The following NRXN3 variants were observed in gnomAD, a reference collection of about 807,000 sequenced individuals.
NRXN3 encodes the protein neurexin III.
In NRXN3, 32 loss-of-function variants were observed where a neutral mutation model predicts 137.6. That is an observed-to-expected ratio of 0.23 (90% CI 0.18 to 0.31). The LOEUF is 0.31. Ranked by LOEUF, NRXN3 falls within the 10% of genes least tolerant of loss-of-function variation. The pLI is 1.00. For missense variants in NRXN3, 1,574 were observed against 2,062.5 expected (o/e 0.76, Z 4.59); for synonymous variants, 798 against 784.5 (o/e 1.02, Z -0.29).
chr14:79,775,195 G>A (rs1426131685), intron 19 of NRXN3, among the ~76,000 whole-genome samples: 4 of 151,988 alleles, frequency 2.6e-5, no homozygotes, highest in South Asian at 4.1e-4. Flanking sequence ...TTTTATATAC[G>A]AATGTGCATA....
intron 19 of NRXN3, among the ~76,000 whole-genome samples, chr14:79,703,517 CTAAGTAATTTA>C (rs1188730151): frequency 2.6e-5 from 4 of 152,144 alleles, no homozygotes; most frequent in Admixed American, 1.3e-4. Flanking sequence ...CTACCCGAGA[CTAAGTAATTTA>C]TAAAGAAAAG....
chr14:79,394,818 CTATTT>C (rs2094965473), intron 15 of NRXN3, among the ~76,000 whole-genome samples: 1 of 152,070 alleles, frequency 6.6e-6, no homozygotes, highest in South Asian at 2.1e-4. Context: ...TGTATTATTC[CTATTT>C]TATTTATGAG....
At chr14:79,208,852 T>G (rs2067198937) in intron 15 of NRXN3, among the ~76,000 whole-genome samples, 1 of 152,178 alleles carries the variant, frequency 6.6e-6, no homozygotes, top group Admixed American at 6.6e-5. Flanking sequence ...AGAAAAAAAT[T>G]CAGCACATTT....
At chr14:78,298,582 T>G (rs1420091837) in intron 4 of NRXN3, among the ~76,000 whole-genome samples, 3 of 152,234 alleles carry the variant, frequency 2.0e-5, no homozygotes, top group African/African-American at 7.2e-5. Context: ...TGAAGCCTTT[T>G]TCTCCTAAAT....
intron 4 of NRXN3, among the ~76,000 whole-genome samples, chr14:78,385,351 A>G (rs1292311423): frequency 6.6e-6 from 1 of 151,840 alleles, no homozygotes; most frequent in Non-Finnish European, 1.5e-5. Flanking sequence ...AAAACTTCCT[A>G]ATCATAAAAA....
intron 16 of NRXN3, among the ~76,000 whole-genome samples, chr14:79,638,847 T>C (rs181407676): frequency 3.3e-5 from 5 of 152,216 alleles, no homozygotes; most frequent in Non-Finnish European, 5.9e-5. Context: ...CATGCCATCA[T>C]GGCAAAAAAT....
intron 16 of NRXN3, among the ~76,000 whole-genome samples, chr14:79,560,238 T>G (rs2153774739): frequency 6.6e-6 from 1 of 152,256 alleles, no homozygotes; most frequent in East Asian, 1.9e-4. Flanking sequence ...GATAGAAAGG[T>G]AATTCAGTCT....
At chr14:79,819,196 C>T (rs1023245776) in intron 20 of NRXN3, among the ~76,000 whole-genome samples, 2 of 152,140 alleles carry the variant, frequency 1.3e-5, no homozygotes, top group African/African-American at 4.8e-5. Context: ...TGCCCTATCT[C>T]CTCAATCAGC....
intron 4 of NRXN3, among the ~76,000 whole-genome samples, chr14:78,365,423 A>G (rs73309000): frequency 0.028 from 4,211 of 152,280 alleles, 161 homozygotes; most frequent in African/African-American, 0.091. Context: ...AGATTCTTTC[A>G]TCTACTGTCT....
intron 15 of NRXN3, among the ~76,000 whole-genome samples, chr14:79,438,885 T>C (rs1212902450): frequency 6.6e-6 from 1 of 152,262 alleles, no homozygotes; most frequent in Non-Finnish European, 1.5e-5. Context: ...TATGCCCGGC[T>C]GATCACCCAA....
chr14:79,722,717 G>C (rs1326187027), intron 19 of NRXN3, among the ~76,000 whole-genome samples: 1 of 152,106 alleles, frequency 6.6e-6, no homozygotes, highest in Non-Finnish European at 1.5e-5. Context: ...TGTGTTCTAA[G>C]TGTCTTTTCA....
At chr14:79,744,364 C>T (rs554785120) in intron 19 of NRXN3, among the ~76,000 whole-genome samples, 10 of 152,250 alleles carry the variant, frequency 6.6e-5, no homozygotes, top group African/African-American at 1.9e-4. Flanking sequence ...GCAGTCACAA[C>T]GCTTTAATGT....
At chr14:79,835,839 A>T (rs1301759329) in intron 20 of NRXN3, among the ~76,000 whole-genome samples, 3 of 152,188 alleles carry the variant, frequency 2.0e-5, no homozygotes, top group Non-Finnish European at 2.9e-5. Flanking sequence ...CACGGAGCAC[A>T]TGGGCTTTGT....
Position 79,863,390 on chromosome 14 carries a change from TAA to T in NRXN3, c.*1428_*1429del, listed in dbSNP as rs35874905. 448 of 151,964 alleles carry T rather than the reference TAA, an allele frequency of 2.9e-3. 4 individuals carry two copies. Among genetic ancestry groups the T allele is most frequent in the African/African-American group, 0.01 (428 of 41,434 alleles). 9.4% of individuals were successfully genotyped at this position (151,964 alleles called of 1,614,324 possible). ...GGGATGACTGACACAGGAAATCTGTTAAAGTCTTAAAATGGAATGAGAATGTT... is the reference window on the plus strand; with the variant it reads ...GGGATGACTGACACAGGAAATCTGTTAGTCTTAAAATGGAATGAGAATGTT... On this transcript the variant is annotated 3_prime_UTR_variant, in exon 21 of 21. Transcript: ENST00000335750.
intron 15 of NRXN3, among the ~76,000 whole-genome samples, chr14:79,197,366 T>C (rs1398440116): frequency 2.0e-5 from 3 of 152,316 alleles, no homozygotes; most frequent in African/African-American, 7.2e-5. Context: ...ACTGATTATT[T>C]GAATTAGTTA....
chr14:79,416,032 A>T (rs2095491887), intron 15 of NRXN3, among the ~76,000 whole-genome samples: 2 of 152,114 alleles, frequency 1.3e-5, no homozygotes, highest in Non-Finnish European at 2.9e-5. Context: ...GCATATCAGA[A>T]TCATTATGAA....
intron 15 of NRXN3, among the ~76,000 whole-genome samples, chr14:79,326,139 A>G (rs1010646807): frequency 3.9e-5 from 6 of 152,190 alleles, no homozygotes; most frequent in Non-Finnish European, 8.8e-5. Flanking sequence ...TTTGTGCCAC[A>G]GGGATATGTT....
At chr14:79,677,812 T>A (rs2098648641) in intron 17 of NRXN3, among the ~76,000 whole-genome samples, 2 of 152,170 alleles carry the variant, frequency 1.3e-5, no homozygotes, top group Admixed American at 1.3e-4. Context: ...TCATGGACAA[T>A]TCTCTTGTTT....
chr14:79,219,612 G>C (rs772941710), intron 15 of NRXN3, among the ~76,000 whole-genome samples: 1 of 152,144 alleles, frequency 6.6e-6, no homozygotes, highest in Non-Finnish European at 1.5e-5. Context: ...ATACTAAGAA[G>C]ACCTGAATAG....
Sources: allele counts gnomAD v4.1 joint callset (sites outside exome capture counted in the v4.1 genomes callset), GRCh38; gene constraint gnomAD v4.1.1; transcripts MANE v1.5; gene names NCBI Gene and HGNC (gene_info 2026-07-23, HGNC 2026-07-21).